The following PHACTR1 variants were observed in gnomAD, a reference collection of about 807,000 sequenced individuals.
The protein encoded by PHACTR1 is phosphatase and actin regulator 1, also known as RPEL repeat containing 1.
Under a neutral mutation model 69.2 loss-of-function variants are expected in PHACTR1, and 16 were observed. The observed-to-expected ratio is 0.23, with a 90% CI of 0.16 to 0.35. The LOEUF (loss-of-function observed/expected upper bound fraction) is 0.35. PHACTR1 is among the 10% of genes least tolerant of loss of function. PHACTR1 has a pLI of 1.00. For synonymous variants in PHACTR1, 312 were observed against 284.5 expected, an observed-to-expected ratio of 1.10 and a Z score of -0.97; for missense variants, 510 against 734.7, an observed-to-expected ratio of 0.69 and a Z score of 3.54.
Position 13,129,068 on chromosome 6 carries a change from A to AGG in PHACTR1, c.416-31135_416-31134dup, listed in dbSNP as rs1318895082. Among the ~76,000 whole-genome samples the AGG allele has an allele frequency of 1.4e-4, 22 of 152,192 alleles. 1 individual carries two copies. The highest frequency in any genetic ancestry group is 2.4e-4 in the Non-Finnish European group (16 of 68,022). On this transcript the variant is annotated intron_variant, in intron 5 of 14. Transcript: ENST00000332995. ...CAGTGAAACTAAGTTTCATAAATGA[A>AGG]GGAGAGATAAAGCCTTTTTTCAGAC...
intron 6 of PHACTR1, among the ~76,000 whole-genome samples, chr6:13,165,953 C>G (rs942622438): frequency 6.6e-6 from 1 of 152,240 alleles, no homozygotes; most frequent in South Asian, 2.1e-4. Context: ...ACATTTCACT[C>G]AGAAATTCCA....
At position 12,865,991 on chromosome 6, in the gene PHACTR1, G is replaced by C. The variant is rs184139783; in HGVS notation, c.250+116201G>C. 1.7e-3 allele frequency among the ~76,000 whole-genome samples: 254 copies of C among 152,254 alleles called. 2 individuals are homozygous for C. The highest frequency in any genetic ancestry group is 3.1e-3 in the Non-Finnish European group (208 of 68,012). The stretch of plus-strand genomic sequence containing the variant: ...CCTAAGAAAGGCACCGCCTCCAACA[G>C]GAACAGCTGAGGGAGCCTCAGAGTC... On this transcript the variant is annotated intron_variant, in intron 4 of 14. Coordinates refer to ENST00000332995, the MANE Select transcript of PHACTR1 (RefSeq NM_030948.6).
At chr6:12,874,442 T>C (rs997542364) in intron 4 of PHACTR1, among the ~76,000 whole-genome samples, 2 of 152,236 alleles carry the variant, frequency 1.3e-5, no homozygotes, top group African/African-American at 4.8e-5. Context: ...AACAGCTGTA[T>C]AAATACCAAA....
intron 4 of PHACTR1, among the ~76,000 whole-genome samples, chr6:12,829,997 A>AGAGAGAGAGAG (rs755648488): frequency 1.1e-4 from 16 of 141,048 alleles, no homozygotes; most frequent in Non-Finnish European, 1.5e-4. Flanking sequence ...AGAGAGAGAG[A>AGAGAGAGAGAG]ACGAAAAGAA....
At chr6:12,884,402 A>ATT (rs779017824) in intron 4 of PHACTR1, among the ~76,000 whole-genome samples, 8 of 142,698 alleles carry the variant, frequency 5.6e-5, no homozygotes, top group South Asian at 2.3e-4. Context: ...GGTTTACTGA[A>ATT]TTTTTTTTTT....
At chr6:13,251,897 A>C (rs1202118425) in intron 10 of PHACTR1, among the ~76,000 whole-genome samples, 1 of 151,900 alleles carries the variant, frequency 6.6e-6, no homozygotes, top group African/African-American at 2.4e-5. Context: ...CTCTACAAAA[A>C]TTTAAAAATT....
chr6:12,896,292 C>T (rs1323095428), intron 4 of PHACTR1, among the ~76,000 whole-genome samples: 1 of 152,184 alleles, frequency 6.6e-6, no homozygotes, highest in Non-Finnish European at 1.5e-5. Context: ...AATTGTAGGG[C>T]AGGAGAAATT....
chr6:13,132,772 G>A (rs188826299), intron 5 of PHACTR1, among the ~76,000 whole-genome samples: 85 of 151,976 alleles, frequency 5.6e-4, no homozygotes, highest in Admixed American at 1.5e-3. Context: ...GCTTCAGCAA[G>A]TCATAATCTT....
At chr6:13,149,119 G>A (rs564727534) in intron 5 of PHACTR1, among the ~76,000 whole-genome samples, 25 of 152,136 alleles carry the variant, frequency 1.6e-4, no homozygotes, top group Middle Eastern at 3.4e-3. Context: ...CCTGCTGAGC[G>A]AGCTGACCTC....
chr6:12,878,443 A>G (rs943110470), intron 4 of PHACTR1, among the ~76,000 whole-genome samples: 1 of 152,220 alleles, frequency 6.6e-6, no homozygotes, highest in Admixed American at 6.5e-5. Flanking sequence ...CAACATTGAA[A>G]TTGAGTATTT....
At chr6:13,072,847 G>T (rs1053928271) in intron 5 of PHACTR1, among the ~76,000 whole-genome samples, 7 of 152,124 alleles carry the variant, frequency 4.6e-5, no homozygotes, top group South Asian at 2.1e-4. Flanking sequence ...CTGTGATATG[G>T]AGAGTAATGA....
At chr6:13,101,702 G>A (rs546609194) in intron 5 of PHACTR1, among the ~76,000 whole-genome samples, 3 of 152,212 alleles carry the variant, frequency 2.0e-5, no homozygotes, top group East Asian at 1.9e-4. Context: ...CAAGCAGCAC[G>A]TGGGCTGACC....
At chr6:13,188,610 A>T (rs1253895880) in intron 7 of PHACTR1, among the ~76,000 whole-genome samples, 1 of 152,232 alleles carries the variant, frequency 6.6e-6, no homozygotes, top group Non-Finnish European at 1.5e-5. Flanking sequence ...AGGGAAAGTC[A>T]TGCAGAAATA....
At chr6:13,095,663 C>T (rs1583333812) in intron 5 of PHACTR1, among the ~76,000 whole-genome samples, 2 of 149,322 alleles carry the variant, frequency 1.3e-5, no homozygotes, top group Non-Finnish European at 1.5e-5. Flanking sequence ...ATGGAGGATG[C>T]AGGCAAAGGG....
At chr6:13,189,765 A>T (rs918914089) in intron 7 of PHACTR1, among the ~76,000 whole-genome samples, 26 of 152,152 alleles carry the variant, frequency 1.7e-4, no homozygotes, top group Admixed American at 2.0e-4. Context: ...TCATCTGCTT[A>T]AGAAGTTTGA....
intron 4 of PHACTR1, among the ~76,000 whole-genome samples, chr6:12,796,119 T>TAA (rs1772968003): frequency 6.6e-6 from 1 of 152,190 alleles, no homozygotes; most frequent in Admixed American, 6.5e-5. Flanking sequence ...GGAAAAAGAA[T>TAA]AACATTTGGG....
intron 5 of PHACTR1, among the ~76,000 whole-genome samples, chr6:13,125,123 G>T (rs567995190): frequency 6.6e-6 from 1 of 152,308 alleles, no homozygotes; most frequent in East Asian, 1.9e-4. Flanking sequence ...AACTTTCACG[G>T]CTGGGAAGCA....
intron 5 of PHACTR1, among the ~76,000 whole-genome samples, chr6:13,123,799 G>A (rs1819103844): frequency 1.3e-5 from 2 of 152,214 alleles, no homozygotes; most frequent in South Asian, 4.1e-4. Context: ...ACATTCCCTT[G>A]TGTTACCTGT....
At position 12,795,453 on chromosome 6, in the gene PHACTR1, A is replaced by C. The variant is rs539657957; in HGVS notation, c.250+45663A>C. ...TTAAAAGGATAAAGACATTTTGAGCACAAAGTGCCTGTGATTTAATGCTCC... is the reference window on the plus strand; with the variant it reads ...TTAAAAGGATAAAGACATTTTGAGCCCAAAGTGCCTGTGATTTAATGCTCC... On this transcript the variant is annotated intron_variant, in intron 4 of 14. Coordinates refer to ENST00000332995, the MANE Select transcript of PHACTR1 (RefSeq NM_030948.6). Among the ~76,000 whole-genome samples the C allele has an allele frequency of 8.5e-5, 13 of 152,310 alleles. No individual in the cohort carries two copies. The South Asian group carries it at 2.7e-3, about 32-fold the overall frequency.
Sources: gnomAD v4.1 joint callset for allele counts (sites outside exome capture counted in the v4.1 genomes callset) on GRCh38, gnomAD v4.1.1 for gene constraint, MANE v1.5 for transcripts, NCBI Gene and HGNC (gene_info 2026-07-23, HGNC 2026-07-21) for gene names.